The following PIK3AP1 variants were observed in gnomAD, a reference collection of about 807,000 sequenced individuals.
PIK3AP1 encodes the protein phosphoinositide-3-kinase adaptor protein 1.
A neutral mutation model predicts 88.1 loss-of-function variants in PIK3AP1; 21 were observed. The ratio of observed to expected loss-of-function variants is 0.24; its 90% confidence interval spans 0.17 to 0.34. The LOEUF (loss-of-function observed/expected upper bound fraction) is 0.34. PIK3AP1 is among the 10% of genes least tolerant of loss of function. The probability of loss-of-function intolerance (pLI) is 1.00; values close to 1 mark genes in which losing one functional copy is unlikely to be tolerated. For missense variants in PIK3AP1, 828 were observed against 1,035.7 expected (o/e 0.80, Z 2.75); for synonymous variants, 398 against 400.0 (o/e 1.00, Z 0.06).
chr10:96,617,731 G>A (rs11596148), intron 12 of PIK3AP1, among the ~76,000 whole-genome samples: 14,446 of 152,206 alleles, frequency 0.095, 914 homozygotes, highest in Non-Finnish European at 0.14. Flanking sequence ...CTGGGTGAGC[G>A]GAAGCACGGG....
chr10:96,693,895 T>C (rs1322581918), intron 2 of PIK3AP1, among the ~76,000 whole-genome samples: 2 of 152,210 alleles, frequency 1.3e-5, no homozygotes, highest in African/African-American at 4.8e-5. Flanking sequence ...ATAAAGCTAC[T>C]CTAAAAGTTT....
intron 16 of PIK3AP1, among the ~76,000 whole-genome samples, chr10:96,598,921 A>G (rs1848832162): frequency 6.6e-6 from 1 of 152,238 alleles, no homozygotes; most frequent in African/African-American, 2.4e-5. Context: ...GCAGGACTTG[A>G]GCTAGGCAGA....
In PIK3AP1 at chr10:96,656,790, G is replaced by A. The variant is rs756216607; in HGVS notation, c.567+8C>T. 8.1e-6 allele frequency: 13 copies of A among 1,613,608 alleles called. No individual in the cohort carries two copies. In the South Asian group the frequency reaches 9.9e-5, roughly 12 times the overall value. On this transcript the variant is annotated splice_region_variant and intron_variant, in intron 3 of 16. Transcript: ENST00000339364. Reference sequence around the variant, plus strand: ...ACATCCAGCTACCAGGCCCCCAGCAGTGCCTACCCCACAGCGAATGCGGTC... The same window carrying A: ...ACATCCAGCTACCAGGCCCCCAGCAATGCCTACCCCACAGCGAATGCGGTC...
At chr10:96,686,768 C>A (rs762582367) in intron 2 of PIK3AP1, among the ~76,000 whole-genome samples, 1 of 152,044 alleles carries the variant, frequency 6.6e-6, no homozygotes, top group Non-Finnish European at 1.5e-5. Flanking sequence ...CATATCTCTT[C>A]CACTCAACAT....
intron 2 of PIK3AP1, among the ~76,000 whole-genome samples, chr10:96,666,199 C>T (rs546913010): frequency 9.6e-4 from 146 of 152,216 alleles, no homozygotes; most frequent in South Asian, 4.6e-3. Flanking sequence ...GCGGGAGGAT[C>T]ACAAGGTCAG....
chr10:96,628,897 T>TATATATAC (rs1564961291), intron 8 of PIK3AP1, among the ~76,000 whole-genome samples: 17 of 25,714 alleles, frequency 6.6e-4, no homozygotes, highest in Non-Finnish European at 1.6e-3. Flanking sequence ...TACATATATA[T>TATATATAC]ATATATATAT....
At chr10:96,699,096 A>G (rs140090128) in intron 2 of PIK3AP1, among the ~76,000 whole-genome samples, 1,745 of 152,272 alleles carry the variant, frequency 0.011, 18 homozygotes, top group Non-Finnish European at 0.019. Context: ...AGACAGGAGA[A>G]TCGCTTGAAC....
chr10:96,633,103 G>A, intron 8 of PIK3AP1: 1 of 1,531,696 alleles, frequency 6.5e-7, no homozygotes, highest in Non-Finnish European at 8.8e-7. Context: ...CAGAGGCGGA[G>A]CTTCCAGGGT....
chr10:96,684,647 T>C (rs1433459852), intron 2 of PIK3AP1, among the ~76,000 whole-genome samples: 9 of 152,202 alleles, frequency 5.9e-5, no homozygotes, highest in Non-Finnish European at 1.3e-4. Context: ...AATGAACCTG[T>C]GCTGGCAATC....
intron 8 of PIK3AP1, among the ~76,000 whole-genome samples, chr10:96,630,713 CA>C (rs1370750704): frequency 1.3e-5 from 2 of 151,970 alleles, no homozygotes; most frequent in African/African-American, 4.8e-5. Context: ...CATGGTGGTG[CA>C]GGCCTATAGC....
chr10:96,698,741 T>C (rs1364106896), intron 2 of PIK3AP1, among the ~76,000 whole-genome samples: 1 of 150,322 alleles, frequency 6.7e-6, no homozygotes, highest in East Asian at 2.0e-4. Context: ...TCAAAATAAA[T>C]AAATAAATAA....
intron 2 of PIK3AP1, among the ~76,000 whole-genome samples, chr10:96,699,133 G>A (rs751538392): frequency 2.0e-4 from 30 of 152,098 alleles, no homozygotes; most frequent in Non-Finnish European, 3.8e-4. Flanking sequence ...GCAGTCAGCC[G>A]AGATGGTGCC....
At chr10:96,711,936 A>G (rs1589552212) in intron 1 of PIK3AP1, among the ~76,000 whole-genome samples, 1 of 150,244 alleles carries the variant, frequency 6.7e-6, no homozygotes, top group South Asian at 2.1e-4. Context: ...TTTTATTTTT[A>G]GTAGAGACGG....
intron 16 of PIK3AP1, 56 bp downstream of exon 16, chr10:96,602,224 A>T (rs967127609): frequency 1.4e-6 from 2 of 1,381,422 alleles, no homozygotes; most frequent in South Asian, 2.4e-5. Context: ...TCCAAGTCCT[A>T]TTCTCCCCTA....
intron 8 of PIK3AP1, among the ~76,000 whole-genome samples, chr10:96,632,021 A>G (rs748746486): frequency 9.9e-5 from 15 of 152,216 alleles, no homozygotes; most frequent in South Asian, 2.1e-4. Context: ...ACAAAAATTC[A>G]TAACCTCAGC....
At chr10:96,613,029 C>T (rs1199892745) in intron 13 of PIK3AP1, among the ~76,000 whole-genome samples, 16 of 123,422 alleles carry the variant, frequency 1.3e-4, no homozygotes, top group Non-Finnish European at 1.7e-4. Context: ...GACAGAGTCT[C>T]GCACTGTCGC....
intron 1 of PIK3AP1, among the ~76,000 whole-genome samples, chr10:96,712,569 T>C (rs1286342451): frequency 2.0e-5 from 3 of 152,262 alleles, no homozygotes; most frequent in Admixed American, 1.3e-4. Context: ...AGGTATAACA[T>C]TGGCAAAGCT....
intron 2 of PIK3AP1, among the ~76,000 whole-genome samples, chr10:96,676,869 G>A (rs624462): frequency 0.17 from 26,412 of 151,914 alleles, 3,306 homozygotes; most frequent in African/African-American, 0.34. Flanking sequence ...TTGAGCTGCC[G>A]GTGTCAACCT....
intron 2 of PIK3AP1, among the ~76,000 whole-genome samples, chr10:96,694,947 C>CGCGG (rs1440867145): frequency 6.6e-6 from 1 of 152,098 alleles, no homozygotes; most frequent in African/African-American, 2.4e-5. Flanking sequence ...ATGCATGCCC[C>CGCGG]GGACCATGGG....
Sources: gnomAD v4.1 joint callset for allele counts (sites outside exome capture counted in the v4.1 genomes callset) on GRCh38, gnomAD v4.1.1 for gene constraint, MANE v1.5 for transcripts, NCBI Gene and HGNC (gene_info 2026-07-23, HGNC 2026-07-21) for gene names.